The following CNTN4 variants were observed in gnomAD, a reference collection of about 807,000 sequenced individuals.
The protein encoded by CNTN4 is contactin-4.
In CNTN4, 77 loss-of-function variants were observed where a neutral mutation model predicts 122.5. That is an observed-to-expected ratio of 0.63 (90% confidence interval 0.52 to 0.76). CNTN4 has a LOEUF of 0.76. Ranked by LOEUF, CNTN4 falls within the 30% of genes least tolerant of loss-of-function variation. CNTN4 has a pLI of 0.00. For missense variants in CNTN4, 1,256 were observed against 1,259.1 expected, an observed-to-expected ratio of 1.00 and a Z score of 0.04; for synonymous variants, 512 against 447.0, an observed-to-expected ratio of 1.15 and a Z score of -1.83.
At chr3:2,269,259 T>A (rs569763424) in intron 2 of CNTN4, among the ~76,000 whole-genome samples, 2 of 152,270 alleles carry the variant, frequency 1.3e-5, no homozygotes, top group Non-Finnish European at 2.9e-5. Context: ...ATTCACTACA[T>A]TAAATTTAAT....
At chr3:2,623,101 A>G (rs767378436) in intron 4 of CNTN4, among the ~76,000 whole-genome samples, 28 of 152,244 alleles carry the variant, frequency 1.8e-4, no homozygotes, top group Non-Finnish European at 3.5e-4. Flanking sequence ...GCAAAGCATT[A>G]TAGAAAACTA....
chr3:2,212,827 G>T (rs902846724), intron 2 of CNTN4, among the ~76,000 whole-genome samples: 1 of 152,174 alleles, frequency 6.6e-6, no homozygotes, highest in South Asian at 2.1e-4. Flanking sequence ...GAGAACCAAA[G>T]ATATTTTCTA....
chr3:2,242,320 G>A (rs1004926944), intron 2 of CNTN4, among the ~76,000 whole-genome samples: 1 of 151,950 alleles, frequency 6.6e-6, no homozygotes, highest in African/African-American at 2.4e-5. Context: ...CATCTGATTT[G>A]GTCCACATAT....
intron 8 of CNTN4, among the ~76,000 whole-genome samples, chr3:2,868,655 A>C (rs1230084352): frequency 6.6e-6 from 1 of 152,186 alleles, no homozygotes; most frequent in African/African-American, 2.4e-5. Flanking sequence ...TCATTTATTC[A>C]TCCATTTAAC....
chr3:2,251,299 G>A (rs921700573), intron 2 of CNTN4, among the ~76,000 whole-genome samples: 1 of 151,830 alleles, frequency 6.6e-6, no homozygotes, highest in Non-Finnish European at 1.5e-5. Flanking sequence ...TATTCCCAAG[G>A]TATTGTTTAC....
At chr3:2,109,305 C>A (rs1347867179) in intron 2 of CNTN4, among the ~76,000 whole-genome samples, 2 of 151,928 alleles carry the variant, frequency 1.3e-5, no homozygotes, top group Non-Finnish European at 1.5e-5. Context: ...TTTTGTCTTT[C>A]TTTTGGTTCA....
chr3:2,179,585 A>G lies in CNTN4; in HGVS notation c.-145+78946A>G, dbSNP rs371376707. ...TTCATGTCCAACACCGCCATTAGCA[A>G]TTTTATACTGAACTTTTATTTTTCT... On this transcript the variant is annotated intron_variant, in intron 2 of 24. Transcript: ENST00000418658. Among the ~76,000 whole-genome samples the G allele has an allele frequency of 2.1e-3, 315 of 152,108 alleles. 2 individuals are homozygous for G. Among genetic ancestry groups the G allele is most frequent in the Non-Finnish European group, 4.0e-3 (274 of 67,906 alleles).
intron 2 of CNTN4, among the ~76,000 whole-genome samples, chr3:2,189,476 G>T (rs74397476): frequency 4.6e-5 from 7 of 152,166 alleles, no homozygotes; most frequent in Admixed American, 2.0e-4. Flanking sequence ...GGTAGTGCTG[G>T]AATAGAGAGG....
At chr3:3,029,980 T>C (rs1350060468) in intron 15 of CNTN4, among the ~76,000 whole-genome samples, 1 of 152,178 alleles carries the variant, frequency 6.6e-6, no homozygotes, top group Admixed American at 6.5e-5. Flanking sequence ...AGGGCCAATA[T>C]ACCCTAAATT....
At chr3:2,481,641 G>C (rs1289440896) in intron 3 of CNTN4, among the ~76,000 whole-genome samples, 2 of 152,072 alleles carry the variant, frequency 1.3e-5, no homozygotes, top group African/African-American at 4.8e-5. Flanking sequence ...ATATGGTTTG[G>C]CTGTATCCCT....
intron 10 of CNTN4, among the ~76,000 whole-genome samples, chr3:2,889,245 G>C (rs1163145778): frequency 6.6e-6 from 1 of 152,154 alleles, no homozygotes; most frequent in Non-Finnish European, 1.5e-5. Flanking sequence ...TGAGGGGAGA[G>C]AACACACAGA....
intron 18 of CNTN4, among the ~76,000 whole-genome samples, chr3:3,037,998 G>A (rs767707658): frequency 2.6e-5 from 4 of 152,174 alleles, no homozygotes; most frequent in South Asian, 2.1e-4. Flanking sequence ...TAGAGTTCCC[G>A]CCTGTAGAGA....
intron 12 of CNTN4, among the ~76,000 whole-genome samples, chr3:2,907,857 T>C (rs938095886): frequency 6.6e-6 from 1 of 152,260 alleles, no homozygotes; most frequent in Admixed American, 6.5e-5. Flanking sequence ...GTGTGCTGGG[T>C]GATTTACTCA....
At chr3:2,947,908 C>T (rs546988143) in intron 13 of CNTN4, among the ~76,000 whole-genome samples, 2 of 152,240 alleles carry the variant, frequency 1.3e-5, no homozygotes, top group East Asian at 1.9e-4. Context: ...AACATTATTG[C>T]TCATATTAAA....
chr3:2,834,051 C>G lies in CNTN4; in HGVS notation c.454+14470C>G, dbSNP rs1048315354. ...GTCCCAGCTACTCGGGAGGCTGAGGCAGGAGAATCACTTGATCACGGGAGG... is the reference window on the plus strand; with the variant it reads ...GTCCCAGCTACTCGGGAGGCTGAGGGAGGAGAATCACTTGATCACGGGAGG... On this transcript the variant is annotated intron_variant, in intron 7 of 24. Transcript: ENST00000418658. Among the ~76,000 whole-genome samples the G allele has an allele frequency of 4.6e-5, 7 of 152,078 alleles. No individual in the cohort carries two copies. In the South Asian group the frequency reaches 1.2e-3, roughly 27 times the overall value.
chr3:2,581,644 A>C (rs975893529), intron 4 of CNTN4, among the ~76,000 whole-genome samples: 1 of 152,182 alleles, frequency 6.6e-6, no homozygotes, highest in Non-Finnish European at 1.5e-5. Context: ...TCTCTTGTAA[A>C]GTTTTTCCAG....
chr3:2,739,560 A>G (rs902678822), intron 5 of CNTN4, among the ~76,000 whole-genome samples: 1 of 152,008 alleles, frequency 6.6e-6, no homozygotes, highest in African/African-American at 2.4e-5. Flanking sequence ...AAAATTTGAA[A>G]GTGGTTGAGA....
chr3:3,044,085 C>A (rs1253428324), intron 23 of CNTN4, among the ~76,000 whole-genome samples: 4 of 151,970 alleles, frequency 2.6e-5, no homozygotes, highest in African/African-American at 9.7e-5. Context: ...AATGATTAAT[C>A]ATTTTTGTTC....
chr3:2,158,618 C>T (rs2035826250), intron 2 of CNTN4, among the ~76,000 whole-genome samples: 1 of 152,160 alleles, frequency 6.6e-6, no homozygotes, highest in African/African-American at 2.4e-5. Context: ...TCCACATTGG[C>T]AGCATTCATA....
Sources: allele counts gnomAD v4.1 joint callset (sites outside exome capture counted in the v4.1 genomes callset), GRCh38; gene constraint gnomAD v4.1.1; transcripts MANE v1.5; gene names NCBI Gene and HGNC (gene_info 2026-07-23, HGNC 2026-07-21).